GPM6A: variants seen among roughly 807,000 people sequenced by gnomAD.
GPM6A encodes glycoprotein M6A, also known as neuronal membrane glycoprotein M6-a.
Under a neutral mutation model 32.1 loss-of-function variants are expected in GPM6A, and 7 were observed. The observed-to-expected ratio is 0.22, with a 90% confidence interval of 0.12 to 0.41. The LOEUF is 0.41. Among genes scored for constraint, GPM6A ranks in the 10% least tolerant of loss-of-function variants. The pLI, the probability that GPM6A is intolerant of heterozygous loss-of-function variation, is 1.00. For missense variants in GPM6A, 235 were observed against 347.2 expected (o/e 0.68, Z 2.57); for synonymous variants, 130 against 123.4 (o/e 1.05, Z -0.35).
At chr4:175,754,962 C>T (rs1400029338) in intron 1 of GPM6A, among the ~76,000 whole-genome samples, 1 of 151,878 alleles carries the variant, frequency 6.6e-6, no homozygotes, top group Non-Finnish European at 1.5e-5. Flanking sequence ...TCTGTCTACT[C>T]CCCCCACAAC....
At position 175,763,046 on chromosome 4, in the gene GPM6A, T is replaced by A. The variant is rs75545869; in HGVS notation, c.37+49145A>T. Among the ~76,000 whole-genome samples the A allele has an allele frequency of 8.6e-3, 1,303 of 152,328 alleles. 25 individuals carry two copies. Among genetic ancestry groups the A allele is most frequent in the African/African-American group, 0.03 (1,241 of 41,564 alleles). On this transcript the variant is annotated intron_variant, in intron 1 of 6. Transcript: ENST00000393658. ...TCTAAAAACCACTGAATTGTACACATTAATTGGGTGAATGTTATATGTAAA... is the reference window on the plus strand; with the variant it reads ...TCTAAAAACCACTGAATTGTACACAATAATTGGGTGAATGTTATATGTAAA...
rs562374447 is a variant in GPM6A at position 175,760,543 on chromosome 4, T to C, written c.37+51648A>G. 2.1e-4 allele frequency among the ~76,000 whole-genome samples: 32 copies of C among 152,324 alleles called. No individual in the cohort carries two copies. In the East Asian group the frequency reaches 5.0e-3, roughly 24 times the overall value. On this transcript the variant is annotated intron_variant, in intron 1 of 6. Transcript: ENST00000393658. ...AAAAGACTCTCATGTTGAGGAAATATGTTTTAGAGGTTTAAGATATATTCA... is the reference window on the plus strand; with the variant it reads ...AAAAGACTCTCATGTTGAGGAAATACGTTTTAGAGGTTTAAGATATATTCA...
intron 2 of GPM6A, among the ~76,000 whole-genome samples, chr4:175,697,377 C>CAG (rs149684908): frequency 0.047 from 7,180 of 152,178 alleles, 204 homozygotes; most frequent in Non-Finnish European, 0.063. Flanking sequence ...AAATGTCTCT[C>CAG]AAGAGAAAGT....
At chr4:175,865,372 A>T (rs76642354) in intron 1 of GPM6A, among the ~76,000 whole-genome samples, 4,397 of 152,232 alleles carry the variant, frequency 0.029, 191 homozygotes, top group African/African-American at 0.098. Flanking sequence ...AAATTACCTA[A>T]TTATGCTCTT....
chr4:175,931,179 A>T (rs1010715873), intron 1 of GPM6A, among the ~76,000 whole-genome samples: 6 of 152,174 alleles, frequency 3.9e-5, no homozygotes, highest in Non-Finnish European at 8.8e-5. Context: ...CAATCTTTGC[A>T]GTGGTCCCAT....
At position 175,905,380 on chromosome 4, in the gene GPM6A, AT is replaced by A. The variant is rs374256577; in HGVS notation, c.-22-93132del. 9.0e-3 allele frequency among the ~76,000 whole-genome samples: 1,348 copies of A among 149,860 alleles called. 18 individuals carry two copies. Among genetic ancestry groups the A allele is most frequent in the African/African-American group, 0.029 (1,166 of 40,832 alleles). On this transcript the variant is annotated intron_variant, in intron 1 of 7. Transcript: ENST00000280187. The stretch of plus-strand genomic sequence containing the variant: ...TTAAAAGGTTCTAAGTTTTTTTGTG[AT>A]TTTTTTTTTCTCATCAGCTATTGTT...
At chr4:175,680,816 T>G (rs1212526013) in intron 2 of GPM6A, among the ~76,000 whole-genome samples, 1 of 152,206 alleles carries the variant, frequency 6.6e-6, no homozygotes, top group Non-Finnish European at 1.5e-5. Flanking sequence ...TTCCCTTCTT[T>G]TTACATGAAA....
chr4:175,787,500 C>T, intron 1 of GPM6A: 1 of 1,468,554 alleles, frequency 6.8e-7, no homozygotes, highest in East Asian at 2.5e-5. Flanking sequence ...TATTTTTGGT[C>T]CTTTTTGTTC....
chr4:175,979,132 T>C (rs1298328333), intron 1 of GPM6A, among the ~76,000 whole-genome samples: 1 of 152,194 alleles, frequency 6.6e-6, no homozygotes, highest in Non-Finnish European at 1.5e-5. Flanking sequence ...AAGAAACAAC[T>C]GCCACAACAA....
intron 1 of GPM6A, among the ~76,000 whole-genome samples, chr4:175,840,001 A>G (rs1041129093): frequency 2.6e-5 from 4 of 152,240 alleles, no homozygotes; most frequent in African/African-American, 9.6e-5. Context: ...AGCCATCCCA[A>G]TTAAATTCTT....
intron 1 of GPM6A, among the ~76,000 whole-genome samples, chr4:175,896,996 C>T (rs901764307): frequency 6.6e-6 from 1 of 151,850 alleles, no homozygotes; most frequent in Non-Finnish European, 1.5e-5. Flanking sequence ...TTAAAGATCT[C>T]GTTTGCCTCA....
At chr4:175,962,266 A>G in intron 1 of GPM6A, 1 of 1,336,964 alleles carries the variant, frequency 7.5e-7, no homozygotes, top group Non-Finnish European at 1.1e-6. Flanking sequence ...GAAAACTCAA[A>G]TGCCTTTTCA....
rs1416963054 is a variant in GPM6A at position 175,634,105 on chromosome 4, T to C, written c.*800A>G. 1.3e-5 allele frequency: 2 copies of C among 152,546 alleles called. No homozygotes were observed. The highest frequency in any genetic ancestry group is 2.9e-5 in the Non-Finnish European group (2 of 67,976). The allele number at this position is 152,546 out of a possible 1,614,324, so 9.4% of individuals were successfully genotyped here. A position where few individuals can be genotyped will look rare whatever the true frequency, so the allele number is the denominator to read the frequency against. On this transcript the variant is annotated 3_prime_UTR_variant, in exon 7 of 7. Transcript: ENST00000393658. ...GAGATCATTCTTCAATAGTCTACAG[T>C]AGTTATTTCCATTAAAATTGTCTCT...
At chr4:175,795,285 T>C (rs1368335303) in intron 1 of GPM6A, among the ~76,000 whole-genome samples, 1 of 152,232 alleles carries the variant, frequency 6.6e-6, no homozygotes, top group East Asian at 1.9e-4. Context: ...GAGGTACCTA[T>C]GGCTATCTGA....
chr4:175,695,784 A>G lies in GPM6A; in HGVS notation c.230+5791T>C, dbSNP rs559481924. On this transcript the variant is annotated intron_variant, in intron 2 of 6. Coordinates refer to ENST00000393658, the MANE Select transcript of GPM6A (RefSeq NM_201591.3). The stretch of plus-strand genomic sequence containing the variant: ...TTGTATTTGGCAACTTGAGAAGGAC[A>G]TGAGATTTGGGAGAGGCCTAGGGCA... Among the ~76,000 whole-genome samples, 20 of 152,292 alleles carry G rather than the reference A, an allele frequency of 1.3e-4. 1 individual carries two copies. In the South Asian group the frequency reaches 2.9e-3, roughly 22 times the overall value.
At chr4:175,656,682 T>A (rs1742104153) in intron 3 of GPM6A, among the ~76,000 whole-genome samples, 1 of 152,156 alleles carries the variant, frequency 6.6e-6, no homozygotes, top group African/African-American at 2.4e-5. Context: ...AAAATGTAAT[T>A]GGTTTTTCAT....
intron 1 of GPM6A, among the ~76,000 whole-genome samples, chr4:176,001,462 T>G (rs1034584503): frequency 6.6e-6 from 1 of 152,320 alleles, no homozygotes; most frequent in Admixed American, 6.5e-5. Context: ...CGTGGGACCC[T>G]GCGTCCTAGT....
intron 1 of GPM6A, among the ~76,000 whole-genome samples, chr4:175,959,215 GC>G (rs1406893264): frequency 6.6e-6 from 1 of 152,022 alleles, no homozygotes. Flanking sequence ...GGTAGATGGG[GC>G]CAGGAACTCA....
At chr4:175,829,767 A>AT (rs1258128823) in intron 1 of GPM6A, among the ~76,000 whole-genome samples, 2 of 148,798 alleles carry the variant, frequency 1.3e-5, no homozygotes, top group Non-Finnish European at 3.0e-5. Context: ...TATCTTACTC[A>AT]TTTTTCTTGG....
Sources: allele counts gnomAD v4.1 joint callset (sites outside exome capture counted in the v4.1 genomes callset), GRCh38; gene constraint gnomAD v4.1.1; transcripts MANE v1.5; gene names NCBI Gene and HGNC (gene_info 2026-07-23, HGNC 2026-07-21).